Variants in PCTP observed in about 807,000 individuals in gnomAD.
PCTP encodes the protein phosphatidylcholine transfer protein.
In PCTP, 27 loss-of-function variants were observed where a neutral mutation model predicts 31.0. That is an observed-to-expected ratio of 0.87 (90% confidence interval 0.64 to 1.20). PCTP has a LOEUF of 1.20. PCTP is among the 50% of genes most tolerant of loss of function. PCTP has a pLI of 0.00. For synonymous variants in PCTP, 108 were observed against 101.2 expected, an observed-to-expected ratio of 1.07 and a Z score of -0.40; for missense variants, 287 against 268.2, an observed-to-expected ratio of 1.07 and a Z score of -0.49.
At chr17:55,805,647 T>G (rs1377976684) in intron 3 of PCTP, among the ~76,000 whole-genome samples, 1 of 151,864 alleles carries the variant, frequency 6.6e-6, no homozygotes, top group Admixed American at 6.6e-5. Context: ...TTAATGTACC[T>G]CTGACAGAAG....
intron 2 of PCTP, chr17:55,769,560 A>G (rs746630481): frequency 6.6e-6 from 1 of 152,188 alleles, no homozygotes; most frequent in Non-Finnish European, 1.5e-5. Context: ...TGAGTCTCTG[A>G]TGTTTGCTCC....
chr17:55,779,341 A>C (rs911151465), downstream of PCTP, among the ~76,000 whole-genome samples: 2 of 152,240 alleles, frequency 1.3e-5, no homozygotes, highest in South Asian at 4.1e-4. Context: ...GGCAGTAACC[A>C]AGTTTGAGGA....
intron 2 of PCTP, 44 bp downstream of exon 2, chr17:55,767,496 C>G: frequency 7.5e-7 from 1 of 1,333,334 alleles, no homozygotes; most frequent in Non-Finnish European, 1.1e-6. Flanking sequence ...CGTACTTTCA[C>G]TTTTGTAGCC....
downstream of PCTP, among the ~76,000 whole-genome samples, chr17:55,823,556 A>G (rs528787093): frequency 6.6e-6 from 1 of 152,216 alleles, no homozygotes; most frequent in Admixed American, 6.5e-5. Context: ...TGGAAAGTAA[A>G]TATATAAATT....
In PCTP at chr17:55,776,052, C is replaced by T. The variant is rs779766888; in HGVS notation, c.597C>T (p.Phe199=). The change falls in exon 6 of 6, where the codon TTC becomes TTT. Residue 199 remains phenylalanine, a synonymous_variant. Coordinates refer to ENST00000268896, the MANE Select transcript of PCTP (RefSeq NM_021213.4). ...CTTTGCAGAATGGAGTTCCTAACTT[C>T]TTGAAAGACATGGCAAGAGCCTGTC... ...NWAAKNGVPN[F]LKDMARACQN... The T allele has an allele frequency of 1.1e-5, 17 of 1,613,970 alleles. No individual in the cohort carries two copies. In the Admixed American group the frequency reaches 2.8e-4, roughly 27 times the overall value.
At chr17:55,836,407 T>G (rs547123826) in intron 5 of PCTP, among the ~76,000 whole-genome samples, 75 of 152,332 alleles carry the variant, frequency 4.9e-4, no homozygotes, top group African/African-American at 1.7e-3. Context: ...ATATACCAAG[T>G]GCCCCAAAGA....
chr17:55,816,116 A>G lies in PCTP; in HGVS notation c.318-6645A>G, dbSNP rs73990968. Among the ~76,000 whole-genome samples the G allele has an allele frequency of 1.3e-3, 204 of 152,296 alleles. 1 individual carries two copies. Among genetic ancestry groups the G allele is most frequent in the African/African-American group, 4.0e-3 (165 of 41,552 alleles). On this transcript the variant is annotated intron_variant, in intron 3 of 3. Transcript: ENST00000572536. ...TATTGAGATATCATTCACATATCTC[A>G]CATACGATTCACCCATTTAAAGTAT...
At chr17:55,795,922 A>G (rs922395234) in intron 3 of PCTP, among the ~76,000 whole-genome samples, 5 of 152,092 alleles carry the variant, frequency 3.3e-5, no homozygotes, top group African/African-American at 1.2e-4. Context: ...TGAAAACTTT[A>G]AAACATGTTA....
At chr17:55,770,913 T>A in intron 2 of PCTP, 193 bp from the exon 3 acceptor site, 1 of 436,314 alleles carries the variant, frequency 2.3e-6, no homozygotes. Flanking sequence ...TTTTTTTATA[T>A]ATAGAGATGG....
intron 3 of PCTP, among the ~76,000 whole-genome samples, chr17:55,816,731 G>A (rs561237707): frequency 6.6e-6 from 1 of 152,314 alleles, no homozygotes; most frequent in East Asian, 1.9e-4. Flanking sequence ...GAAGACTGGA[G>A]TTCTCTTATA....
At chr17:55,844,740 C>T (rs998248527), downstream of PCTP, among the ~76,000 whole-genome samples, 2 of 152,212 alleles carry the variant, frequency 1.3e-5, no homozygotes, top group Middle Eastern at 6.8e-3. Flanking sequence ...TCCTTGTCCT[C>T]TGTAAAATCC....
chr17:55,795,495 T>C (rs1302931289), intron 3 of PCTP, among the ~76,000 whole-genome samples: 3 of 152,058 alleles, frequency 2.0e-5, no homozygotes, highest in Non-Finnish European at 4.4e-5. Context: ...TCAATATTTA[T>C]CAAGGTGAGC....
At chr17:55,796,037 A>G (rs1912176823) in intron 3 of PCTP, among the ~76,000 whole-genome samples, 1 of 152,088 alleles carries the variant, frequency 6.6e-6, no homozygotes, top group African/African-American at 2.4e-5. Context: ...AAGTGTAAGT[A>G]GGAGTTAAAC....
chr17:55,774,412 C>A (rs1020957959), intron 4 of PCTP, among the ~76,000 whole-genome samples: 47 of 152,282 alleles, frequency 3.1e-4, no homozygotes, highest in African/African-American at 1.1e-3. Context: ...AGGCAAAAAT[C>A]TGAACTATAG....
At chr17:55,793,184 T>C (rs551836020) in intron 3 of PCTP, among the ~76,000 whole-genome samples, 57 of 152,230 alleles carry the variant, frequency 3.7e-4, no homozygotes, top group South Asian at 2.9e-3. Context: ...TAGACCCTTT[T>C]ATCCTTCAGC....
chr17:55,835,955 A>C (rs886356295), intron 5 of PCTP, among the ~76,000 whole-genome samples: 2 of 152,254 alleles, frequency 1.3e-5, no homozygotes, highest in African/African-American at 4.8e-5. Flanking sequence ...TCTGAATCAA[A>C]TGTGCCCACA....
chr17:55,758,233 C>A (rs1910150858), intron 1 of PCTP, among the ~76,000 whole-genome samples: 1 of 152,146 alleles, frequency 6.6e-6, no homozygotes, highest in African/African-American at 2.4e-5. Flanking sequence ...GAAGGGGCAG[C>A]CTAAATTGTG....
At chr17:55,773,554 G>A (rs1367127568) in intron 3 of PCTP, 170 bp from the exon 4 acceptor site, 2 of 596,342 alleles carry the variant, frequency 3.4e-6, no homozygotes, top group Admixed American at 5.9e-5. Context: ...GTGAGGCACA[G>A]TCTTGCAGTG....
At chr17:55,843,386 T>C (rs1216627313), downstream of PCTP, among the ~76,000 whole-genome samples, 1 of 152,160 alleles carries the variant, frequency 6.6e-6, no homozygotes, top group Non-Finnish European at 1.5e-5. Context: ...GTCTTTTTGA[T>C]CTGCCCCCCT....
Sources: allele counts gnomAD v4.1 joint callset (sites outside exome capture counted in the v4.1 genomes callset), GRCh38; gene constraint gnomAD v4.1.1; transcripts MANE v1.5; gene names NCBI Gene and HGNC (gene_info 2026-07-23, HGNC 2026-07-21).